ATP10B: variants seen among roughly 807,000 people sequenced by gnomAD.
The protein encoded by ATP10B is phospholipid-transporting ATPase VB.
A neutral mutation model predicts 141.2 loss-of-function variants in ATP10B; 122 were observed. That is an observed-to-expected ratio of 0.86 (90% CI 0.75 to 1.00). The LOEUF (loss-of-function observed/expected upper bound fraction) is 1.00. ATP10B is among the 50% of genes least tolerant of loss of function. The pLI is 0.00. For synonymous variants in ATP10B, 685 were observed against 692.0 expected, an observed-to-expected ratio of 0.99 and a Z score of 0.16; for missense variants, 1,876 against 1,825.3, an observed-to-expected ratio of 1.03 and a Z score of -0.51.
chr5:160,837,633 C>CTCT (rs371338577), intron 1 of ATP10B, among the ~76,000 whole-genome samples: 1,917 of 12,134 alleles, frequency 0.16, 38 homozygotes, highest in African/African-American at 0.2. Context: ...TGTTGTAGTT[C>CTCT]TCTCTGAAGT....
intron 13 of ATP10B, among the ~76,000 whole-genome samples, chr5:160,628,453 T>G (rs995074121): frequency 6.6e-6 from 1 of 152,250 alleles, no homozygotes; most frequent in Non-Finnish European, 1.5e-5. Context: ...GTATGTGGGC[T>G]GTCCCACCGA....
chr5:160,832,249 T>A (rs1291276982), intron 1 of ATP10B, among the ~76,000 whole-genome samples: 1 of 152,212 alleles, frequency 6.6e-6, no homozygotes, highest in Non-Finnish European at 1.5e-5. Context: ...AAACTCTGGC[T>A]ACCTTTGTAA....
rs1770519958 is a variant in ATP10B, at chr5:160,778,789, C to T, written c.-331+6770G>A. On this transcript the variant is annotated intron_variant, in intron 2 of 25. Transcript: ENST00000327245. The stretch of plus-strand genomic sequence containing the variant: ...CAAAATATTTAGGAGACCACTTTAT[C>T]GACTAATTCCAGAGAGGCGAAAGGC... Among the ~76,000 whole-genome samples the T allele has an allele frequency of 2.0e-5, 3 of 152,128 alleles. No homozygotes were observed. The South Asian group carries it at 6.2e-4, about 32-fold the overall frequency.
chr5:160,633,599 T>TAG (rs1173932730), intron 12 of ATP10B: 5 of 154,234 alleles, frequency 3.2e-5, no homozygotes, highest in African/African-American at 1.2e-4. Flanking sequence ...ATACCTAAGG[T>TAG]AGATGATGGG....
At chr5:160,591,541 G>A (rs1554093390) in intron 22 of ATP10B, among the ~76,000 whole-genome samples, 1 of 152,164 alleles carries the variant, frequency 6.6e-6, no homozygotes, top group South Asian at 2.1e-4. Flanking sequence ...AACCTGGCAA[G>A]TGTAAAGATT....
the ATP10B span, among the ~76,000 whole-genome samples, chr5:160,891,418 C>T: frequency 2.0e-5 from 3 of 152,114 alleles, no homozygotes; most frequent in Non-Finnish European, 2.9e-5. Flanking sequence ...TGCTTTTTAT[C>T]TAAAAACCAG....
intron 7 of ATP10B, among the ~76,000 whole-genome samples, chr5:160,656,860 C>T (rs1410091595): frequency 6.6e-6 from 1 of 152,168 alleles, no homozygotes; most frequent in African/African-American, 2.4e-5. Context: ...TTTCCTCAAA[C>T]ATAGAAATCA....
intron 7 of ATP10B, among the ~76,000 whole-genome samples, chr5:160,650,737 C>T (rs577566848): frequency 6.6e-6 from 1 of 152,118 alleles, no homozygotes; most frequent in Non-Finnish European, 1.5e-5. Context: ...CACACTTACA[C>T]GTAGGCATAT....
At chr5:160,885,582 C>T in the ATP10B span, among the ~76,000 whole-genome samples, 2 of 151,992 alleles carry the variant, frequency 1.3e-5, no homozygotes, top group Non-Finnish European at 2.9e-5. Flanking sequence ...TTATTAAATC[C>T]CATTTTGAGT....
At chr5:160,647,265 G>T (rs1305969961) in intron 8 of ATP10B, among the ~76,000 whole-genome samples, 5 of 152,352 alleles carry the variant, frequency 3.3e-5, no homozygotes, top group Admixed American at 1.3e-4. Context: ...AGACCAGTGG[G>T]TCTGCTCAGG....
In ATP10B at chr5:160,672,737, T is replaced by C. The variant is rs576887371; in HGVS notation, c.471-2070A>G. On this transcript the variant is annotated intron_variant, in intron 6 of 25. Coordinates refer to ENST00000327245, the MANE Select transcript of ATP10B (RefSeq NM_025153.3). ...TCTTGTTTCTGTTTCTGCTGGAATC[T>C]GAGCTGCACTGGGCATGACACATCT... Among the ~76,000 whole-genome samples the C allele has an allele frequency of 1.6e-4, 25 of 152,358 alleles. No homozygotes were observed. In the South Asian group the frequency reaches 5.2e-3, roughly 32 times the overall value.
At chr5:160,571,433 C>T (rs903584924) in intron 24 of ATP10B, among the ~76,000 whole-genome samples, 1 of 151,902 alleles carries the variant, frequency 6.6e-6, no homozygotes, top group Non-Finnish European at 1.5e-5. Context: ...TTTACCAATC[C>T]CTGCAGATAT....
At chr5:160,891,014 TG>T in the ATP10B span, among the ~76,000 whole-genome samples, 1 of 152,158 alleles carries the variant, frequency 6.6e-6, no homozygotes, top group South Asian at 2.1e-4. Context: ...TGTGTGTGTG[TG>T]TGTGTATGTA....
At chr5:160,801,509 G>C (rs1014222135) in intron 1 of ATP10B, among the ~76,000 whole-genome samples, 1 of 152,182 alleles carries the variant, frequency 6.6e-6, no homozygotes, top group African/African-American at 2.4e-5. Context: ...TTTCCAATTA[G>C]AGGGCAAACT....
At chr5:160,691,441 T>C (rs1262918191) in intron 3 of ATP10B, among the ~76,000 whole-genome samples, 1 of 152,150 alleles carries the variant, frequency 6.6e-6, no homozygotes, top group African/African-American at 2.4e-5. Context: ...ACTCTCAAGG[T>C]TCTTTTTGGC....
chr5:160,749,251 C>T (rs186249963), intron 2 of ATP10B, among the ~76,000 whole-genome samples: 1 of 152,274 alleles, frequency 6.6e-6, no homozygotes, highest in East Asian at 1.9e-4. Flanking sequence ...AGAAGAAATG[C>T]CTGGGAGTGA....
intron 7 of ATP10B, among the ~76,000 whole-genome samples, chr5:160,653,137 TA>T (rs1194702594): frequency 1.1e-4 from 15 of 131,262 alleles, no homozygotes; most frequent in South Asian, 2.3e-4. Context: ...TATGTATACA[TA>T]AATATATATT....
At chr5:160,565,944 A>C (rs755174309) in intron 25 of ATP10B, 44 bp from the exon 26 acceptor site, 3 of 1,509,720 alleles carry the variant, frequency 2.0e-6, no homozygotes, top group African/African-American at 2.8e-5. Flanking sequence ...ATTTCCACTG[A>C]CTTCATAAAC....
chr5:160,795,505 T>C (rs1234211431), intron 1 of ATP10B, among the ~76,000 whole-genome samples: 1 of 152,050 alleles, frequency 6.6e-6, no homozygotes, highest in African/African-American at 2.4e-5. Flanking sequence ...ATAGTCACAA[T>C]GAATAGGGGT....
Sources: allele counts gnomAD v4.1 joint callset (sites outside exome capture counted in the v4.1 genomes callset), GRCh38; gene constraint gnomAD v4.1.1; transcripts MANE v1.5; gene names NCBI Gene and HGNC (gene_info 2026-07-23, HGNC 2026-07-21).